WNK2: variants seen among roughly 807,000 people sequenced by gnomAD.
WNK2 encodes serine/threonine-protein kinase WNK2.
A neutral mutation model predicts 192.1 loss-of-function variants in WNK2; 67 were observed. The ratio of observed to expected loss-of-function variants is 0.35; its 90% CI spans 0.29 to 0.43. WNK2 has a LOEUF of 0.43. Ranked by LOEUF, WNK2 falls within the 20% of genes least tolerant of loss-of-function variation. The pLI is 1.00. For synonymous variants in WNK2, 1,439 were observed against 1,393.9 expected (o/e 1.03, Z -0.72); for missense variants, 2,698 against 3,089.7 (o/e 0.87, Z 3.01).
chr9:93,315,655 C>T (rs1167435289), intron 28 of WNK2: 1 of 152,304 alleles, frequency 6.6e-6, no homozygotes, highest in South Asian at 2.1e-4. Flanking sequence ...CTTAGTGCCT[C>T]AGACTACCTC....
intron 2 of WNK2, among the ~76,000 whole-genome samples, chr9:93,217,103 C>A (rs542656730): frequency 6.6e-6 from 1 of 152,004 alleles, no homozygotes; most frequent in African/African-American, 2.4e-5. Context: ...AGACTACAGA[C>A]GTGCACCACC....
chr9:93,211,233 C>T (rs1244914849), intron 2 of WNK2, among the ~76,000 whole-genome samples: 29 of 118,318 alleles, frequency 2.5e-4, no homozygotes, highest in Admixed American at 4.6e-4. Flanking sequence ...CACTCACTCA[C>T]TCACTCATTC....
chr9:93,197,206 C>T (rs780922396), intron 2 of WNK2, among the ~76,000 whole-genome samples: 3 of 152,216 alleles, frequency 2.0e-5, no homozygotes, highest in Non-Finnish European at 2.9e-5. Flanking sequence ...GACCCATTTG[C>T]AGTTCACCCC....
At position 93,257,162 on chromosome 9, in the gene WNK2, C is replaced by T. The variant is rs768702163; in HGVS notation, c.2382+23C>T. ...CAGGTAATTCTAGGTTGATGGCTGC[C>T]GTCAGTGGTGGCGCACGCTTTGCCA... On this transcript the variant is annotated intron_variant, in intron 11 of 29. Transcript: ENST00000427277. The surrounding 1 kb of genome is among the most constrained non-coding windows in gnomAD (Gnocchi z 4.7). 21 of 1,594,944 alleles carry T rather than the reference C, an allele frequency of 1.3e-5. No homozygotes were observed. The highest frequency in any genetic ancestry group is 7.3e-5 in the Admixed American group (4 of 54,862).
At chr9:93,209,858 G>A (rs919143898) in intron 2 of WNK2, among the ~76,000 whole-genome samples, 1 of 152,100 alleles carries the variant, frequency 6.6e-6, no homozygotes, top group African/African-American at 2.4e-5. Flanking sequence ...GAGTGGGGCT[G>A]GTCTATCATG....
chr9:93,194,384 A>G (rs942507680), intron 2 of WNK2, among the ~76,000 whole-genome samples: 2 of 147,698 alleles, frequency 1.4e-5, no homozygotes, highest in African/African-American at 5.3e-5. Context: ...ACAATCAGCT[A>G]AAAAAATAGG....
chr9:93,288,621 G>A (rs1289048826), intron 19 of WNK2, among the ~76,000 whole-genome samples, 167 bp from the exon 20 acceptor site: 1 of 152,240 alleles, frequency 6.6e-6, no homozygotes, highest in Admixed American at 6.5e-5. Flanking sequence ...AGCAGCCAAG[G>A]CTGGGCTGAG....
chr9:93,285,792 A>T (rs1261818050), intron 19 of WNK2, among the ~76,000 whole-genome samples: 1 of 152,224 alleles, frequency 6.6e-6, no homozygotes, highest in East Asian at 1.9e-4. Flanking sequence ...TGACTCATAT[A>T]AACCTGGAGT....
chr9:93,310,560 C>G (rs956326030), intron 28 of WNK2, among the ~76,000 whole-genome samples: 3 of 152,168 alleles, frequency 2.0e-5, no homozygotes, highest in African/African-American at 7.2e-5. Flanking sequence ...CATCCATCCA[C>G]TGAACCTTTT....
rs757340958 is a variant in WNK2, at chr9:93,276,301, C to G, written c.4033+7555C>G. 6.0e-4 allele frequency among the ~76,000 whole-genome samples: 91 copies of G among 152,254 alleles called. 1 individual carries two copies. The highest frequency in any genetic ancestry group is 1.8e-3 in the Admixed American group (27 of 15,286). On this transcript the variant is annotated intron_variant, in intron 19 of 29. Transcript: ENST00000427277. ...CAGAAATAGACCCACACAAATATGACCATTTGATTTTGACAAAGATGCAAA... is the reference window on the plus strand; with the variant it reads ...CAGAAATAGACCCACACAAATATGAGCATTTGATTTTGACAAAGATGCAAA...
intron 2 of WNK2, among the ~76,000 whole-genome samples, chr9:93,213,542 C>G (rs1229645244): frequency 6.6e-6 from 1 of 152,196 alleles, no homozygotes; most frequent in Non-Finnish European, 1.5e-5. Flanking sequence ...GTAATCCCAG[C>G]ACTTTGGGAA....
At chr9:93,203,964 C>G (rs981676152) in intron 2 of WNK2, among the ~76,000 whole-genome samples, 3 of 152,070 alleles carry the variant, frequency 2.0e-5, no homozygotes, top group African/African-American at 7.2e-5. Flanking sequence ...ACAAAGCTCC[C>G]TGAGCAGGGC....
At position 93,303,710 on chromosome 9, in the gene WNK2, T is replaced by C. The variant is rs769299581; in HGVS notation, c.6215-3067T>C. Among the ~76,000 whole-genome samples, 190 of 152,254 alleles carry C rather than the reference T, an allele frequency of 1.2e-3. 2 individuals carry two copies. Among genetic ancestry groups the C allele is most frequent in the Non-Finnish European group, 9.3e-4 (63 of 68,014 alleles). On this transcript the variant is annotated intron_variant, in intron 26 of 29. Coordinates refer to ENST00000427277, the MANE Select transcript of WNK2 (RefSeq NM_006648.4). The stretch of plus-strand genomic sequence containing the variant: ...GTCTGTGGAGCAGGCCTGTGTGCAA[T>C]GGGGCCTAGTGCAATGTGGGGTCAT...
At chr9:93,206,749 C>G (rs557368324) in intron 2 of WNK2, among the ~76,000 whole-genome samples, 1 of 152,290 alleles carries the variant, frequency 6.6e-6, no homozygotes, top group Non-Finnish European at 1.5e-5. Context: ...GCTGTGCCCT[C>G]TTGGGGAGGG....
chr9:93,299,975 G>T, intron 25 of WNK2, 76 bp from the exon 26 acceptor site: 1 of 1,199,282 alleles, frequency 8.3e-7, no homozygotes, highest in Non-Finnish European at 1.2e-6. Context: ...TGTGGCTGTT[G>T]GTGTGGAGGA....
At chr9:93,231,142 C>T in intron 4 of WNK2, 34 bp downstream of exon 4, 2 of 1,596,188 alleles carry the variant, frequency 1.3e-6, no homozygotes, top group East Asian at 4.5e-5. Context: ...GCCCTTGGAG[C>T]CCATGAGAAG....
At chr9:93,258,018 C>T (rs569210790) in intron 11 of WNK2, among the ~76,000 whole-genome samples, 1 of 152,292 alleles carries the variant, frequency 6.6e-6, no homozygotes, top group South Asian at 2.1e-4. Flanking sequence ...TTCACGAGCC[C>T]CACCTGGAAG....
intron 2 of WNK2, among the ~76,000 whole-genome samples, chr9:93,196,421 A>T (rs1831294851): frequency 6.6e-6 from 1 of 152,144 alleles, no homozygotes; most frequent in Admixed American, 6.5e-5. Flanking sequence ...CAGCTGGGAC[A>T]TGGGGTTTTC....
At chr9:93,287,507 A>G (rs1180960936) in intron 19 of WNK2, among the ~76,000 whole-genome samples, 1 of 152,234 alleles carries the variant, frequency 6.6e-6, no homozygotes, top group East Asian at 1.9e-4. Flanking sequence ...GCCAGGCACC[A>G]CAGAATAGAG....
Sources: allele counts gnomAD v4.1 joint callset (sites outside exome capture counted in the v4.1 genomes callset), GRCh38; gene constraint gnomAD v4.1.1; non-coding constraint Gnocchi (gnomAD v3.1); transcripts MANE v1.5; gene names NCBI Gene and HGNC (gene_info 2026-07-23, HGNC 2026-07-21).